KDM4C: variants seen among roughly 807,000 people sequenced by gnomAD.
KDM4C encodes the protein lysine-specific demethylase 4C.
In KDM4C, 81 loss-of-function variants were observed where a neutral mutation model predicts 129.3. The ratio of observed to expected loss-of-function variants is 0.63; its 90% CI spans 0.52 to 0.75. KDM4C has a LOEUF of 0.75. KDM4C is among the 30% of genes least tolerant of loss of function. The pLI, the probability that KDM4C is intolerant of heterozygous loss-of-function variation, is 0.00. For missense variants in KDM4C, 1,457 were observed against 1,304.0 expected (o/e 1.12, Z -1.81); for synonymous variants, 573 against 456.1 (o/e 1.26, Z -3.26).
At chr9:7,014,121 T>C (rs1190638175) in intron 14 of KDM4C, 120 bp downstream of exon 14, 2 of 734,892 alleles carry the variant, frequency 2.7e-6, no homozygotes, top group Non-Finnish European at 4.5e-6. Flanking sequence ...TTAATGGTTA[T>C]ATCATTCTTT....
intron 4 of KDM4C, among the ~76,000 whole-genome samples, chr9:6,838,920 G>A (rs1040393807): frequency 8.5e-5 from 13 of 152,162 alleles, no homozygotes; most frequent in African/African-American, 2.9e-4. Context: ...TTATTAGAAG[G>A]CACTGTTTTC....
chr9:7,114,466 A>G (rs578176182), intron 18 of KDM4C, among the ~76,000 whole-genome samples: 87 of 152,370 alleles, frequency 5.7e-4, no homozygotes, highest in Non-Finnish European at 1.0e-3. Context: ...ACAGCAATGT[A>G]TTCGCATTTT....
chr9:6,942,930 A>G (rs1204270082), intron 8 of KDM4C, among the ~76,000 whole-genome samples: 1 of 152,180 alleles, frequency 6.6e-6, no homozygotes, highest in Non-Finnish European at 1.5e-5. Flanking sequence ...CAGTGGCATG[A>G]TCACGGCCCC....
At chr9:7,032,950 A>G (rs568939779) in intron 15 of KDM4C, among the ~76,000 whole-genome samples, 18 of 152,176 alleles carry the variant, frequency 1.2e-4, no homozygotes, top group Non-Finnish European at 2.1e-4. Flanking sequence ...GGTTCTGCCT[A>G]GAGGACCTTT....
chr9:6,832,947 G>T (rs1240919079), intron 4 of KDM4C, among the ~76,000 whole-genome samples: 1 of 150,130 alleles, frequency 6.7e-6, no homozygotes, highest in Non-Finnish European at 1.5e-5. Flanking sequence ...TGTTGGCCAG[G>T]CTGGTCTTGA....
At chr9:7,142,616 A>T (rs1841860017) in intron 19 of KDM4C, among the ~76,000 whole-genome samples, 1 of 152,218 alleles carries the variant, frequency 6.6e-6, no homozygotes, top group Non-Finnish European at 1.5e-5. Flanking sequence ...AGAATAGATG[A>T]CTAACTTTGG....
At position 6,758,524 on chromosome 9, in the gene KDM4C, T is replaced by C; in HGVS notation, c.-18+321T>C. Among the ~76,000 whole-genome samples, 1 of 147,098 alleles carries C rather than the reference T, an allele frequency of 6.8e-6. No homozygotes were observed. The highest frequency in any genetic ancestry group is 2.1e-4 in the East Asian group (1 of 4,804). ...GGGCAGAGGAGCGCTCGGGCGGTCCTGGGATGCGGACCTCTTAACGCCGCC... is the reference window on the plus strand; with the variant it reads ...GGGCAGAGGAGCGCTCGGGCGGTCCCGGGATGCGGACCTCTTAACGCCGCC... On this transcript the variant is annotated intron_variant, in intron 1 of 21. Transcript: ENST00000381309. This position sits in a 1 kb window ranked among gnomAD's most constrained non-coding sequence, Gnocchi z 4.6.
intron 17 of KDM4C, among the ~76,000 whole-genome samples, chr9:7,090,779 C>T (rs1216825647): frequency 6.6e-6 from 1 of 152,194 alleles, no homozygotes; most frequent in Non-Finnish European, 1.5e-5. Context: ...CTTTGACTCA[C>T]GTTGTAAGAA....
chr9:6,821,899 T>A (rs1259460653), intron 4 of KDM4C, among the ~76,000 whole-genome samples: 1 of 152,204 alleles, frequency 6.6e-6, no homozygotes, highest in Non-Finnish European at 1.5e-5. Context: ...CCTCCCAAAG[T>A]GCTGGGATTA....
At chr9:7,101,304 AG>A (rs1467509820) in intron 17 of KDM4C, among the ~76,000 whole-genome samples, 1 of 152,174 alleles carries the variant, frequency 6.6e-6, no homozygotes, top group African/African-American at 2.4e-5. Context: ...AGGTATCTTT[AG>A]GCATCAAATT....
rs1818777021 is a variant in KDM4C, at chr9:6,758,669, G to T, written c.-18+466G>T. Among the ~76,000 whole-genome samples the T allele has an allele frequency of 6.6e-6, 1 of 152,248 alleles. No individual in the cohort carries two copies. The highest frequency in any genetic ancestry group is 2.1e-4 in the South Asian group (1 of 4,836). ...GGAGCTCCTCTCCTGACCACCCGTTGCAGGCAGTCATCCCGTCATTCGGGG... is the reference window on the plus strand; with the variant it reads ...GGAGCTCCTCTCCTGACCACCCGTTTCAGGCAGTCATCCCGTCATTCGGGG... On this transcript the variant is annotated intron_variant, in intron 1 of 21. Transcript: ENST00000381309. This position sits in a 1 kb window ranked among gnomAD's most constrained non-coding sequence, Gnocchi z 4.6.
intron 4 of KDM4C, among the ~76,000 whole-genome samples, chr9:6,846,039 C>T (rs1837799169): frequency 6.6e-6 from 1 of 152,212 alleles, no homozygotes; most frequent in South Asian, 2.1e-4. Context: ...AAGCAGTCTG[C>T]AGTGTAAGCC....
chr9:7,061,882 G>A (rs529080218), intron 17 of KDM4C, among the ~76,000 whole-genome samples: 17 of 152,294 alleles, frequency 1.1e-4, no homozygotes, highest in Admixed American at 5.2e-4. Context: ...CCAGTTCTCC[G>A]TACATTACCC....
rs761316614 is a variant in KDM4C at position 6,984,235 on chromosome 9, C to T, written c.1185C>T (p.Val395=). The T allele has an allele frequency of 5.6e-6, 9 of 1,613,798 alleles. No individual in the cohort carries two copies. Among genetic ancestry groups the T allele is most frequent in the Admixed American group, 3.3e-5 (2 of 59,988 alleles). ...ADEEEEVSDE[V]DGAEVPNPDS... is the part of the protein sequence containing the mutation. ...AGGAAGAGGAAGTGTCAGATGAAGTCGATGGGGCAGAGGTCCCTAACCCCG... is the reference window on the plus strand; with the variant it reads ...AGGAAGAGGAAGTGTCAGATGAAGTTGATGGGGCAGAGGTCCCTAACCCCG... Residue 395 remains valine, a synonymous_variant, in exon 10 of 22, where the codon GTC becomes GTT. Transcript: ENST00000381309.
intron 15 of KDM4C, among the ~76,000 whole-genome samples, chr9:7,019,729 T>TCCC (rs1293557021): frequency 9.3e-6 from 1 of 108,014 alleles, no homozygotes; most frequent in Non-Finnish European, 1.8e-5. Flanking sequence ...ATAATATTTT[T>TCCC]ATATATAAAA....
chr9:6,831,307 G>A (rs959004940), intron 4 of KDM4C, among the ~76,000 whole-genome samples: 39 of 152,062 alleles, frequency 2.6e-4, no homozygotes, highest in Middle Eastern at 3.2e-3. Flanking sequence ...GTTCCATGAT[G>A]TCATTATAGA....
intron 19 of KDM4C, among the ~76,000 whole-genome samples, chr9:7,152,585 T>C (rs1842823847): frequency 6.6e-6 from 1 of 152,186 alleles, no homozygotes; most frequent in Non-Finnish European, 1.5e-5. Flanking sequence ...GTGCAGAGTT[T>C]CTGTTTGGGA....
intron 4 of KDM4C, among the ~76,000 whole-genome samples, chr9:6,842,747 C>A (rs1034989132): frequency 6.6e-6 from 1 of 151,996 alleles, no homozygotes; most frequent in Non-Finnish European, 1.5e-5. Context: ...TGGCTGTCTC[C>A]TTTAGACAGG....
chr9:6,749,857 A>G (rs568283187), intron 1 of KDM4C, among the ~76,000 whole-genome samples: 44 of 151,496 alleles, frequency 2.9e-4, no homozygotes, highest in African/African-American at 1.0e-3. Context: ...GTGGTGGTGC[A>G]TGCCTGTAAT....
Sources: allele counts gnomAD v4.1 joint callset (sites outside exome capture counted in the v4.1 genomes callset), GRCh38; gene constraint gnomAD v4.1.1; non-coding constraint Gnocchi (gnomAD v3.1); transcripts MANE v1.5; gene names NCBI Gene and HGNC (gene_info 2026-07-23, HGNC 2026-07-21).